GLRX5: variants seen among roughly 807,000 people sequenced by gnomAD.
GLRX5 encodes glutaredoxin-related protein 5, mitochondrial.
A neutral mutation model predicts 13.8 loss-of-function variants in GLRX5; 10 were observed. The ratio of observed to expected loss-of-function variants is 0.72; its 90% CI spans 0.45 to 1.23. The LOEUF (loss-of-function observed/expected upper bound fraction) is 1.23, where lower values mean the gene tolerates loss of function less well. Among genes scored for constraint, GLRX5 ranks in the 50% most tolerant of loss-of-function variants. The pLI, the probability that GLRX5 is intolerant of heterozygous loss-of-function variation, is 0.00. For synonymous variants in GLRX5, 98 were observed against 101.1 expected (o/e 0.97, Z 0.18); for missense variants, 233 against 215.2 (o/e 1.08, Z -0.52).
intron 1 of GLRX5, among the ~76,000 whole-genome samples, chr14:95,536,389 G>C (rs143849034): frequency 1.3e-3 from 204 of 152,322 alleles, no homozygotes; most frequent in Non-Finnish European, 2.2e-3. Context: ...ATCCCAGTTA[G>C]AGACTTTCAG....
intron 1 of GLRX5, among the ~76,000 whole-genome samples, chr14:95,535,643 G>A (rs992052457): frequency 6.6e-6 from 1 of 152,226 alleles, no homozygotes; most frequent in African/African-American, 2.4e-5. Flanking sequence ...AGTCCTAAAG[G>A]TTCACTTATC....
At chr14:95,543,522 C>T (rs1891507503) in intron 1 of GLRX5, 4 of 313,266 alleles carry the variant, frequency 1.3e-5, no homozygotes, top group Admixed American at 4.6e-5. Context: ...AGTTTTGTTT[C>T]GCTTGAAGCT....
chr14:95,543,016 CTGCGCTGTCACA>C (rs1228610280), intron 1 of GLRX5: 1 of 455,976 alleles, frequency 2.2e-6, no homozygotes, highest in African/African-American at 2.0e-5. Flanking sequence ...AGTTGCACAG[CTGCGCTGTCACA>C]GAGTGTCCCT....
chr14:95,543,620 C>G, intron 1 of GLRX5: 1 of 354,236 alleles, frequency 2.8e-6, no homozygotes, highest in Non-Finnish European at 5.3e-6. Flanking sequence ...CTAAGGTCCG[C>G]AATGTATCAG....
At chr14:95,541,727 A>G (rs182940623) in intron 1 of GLRX5, among the ~76,000 whole-genome samples, 27 of 152,338 alleles carry the variant, frequency 1.8e-4, no homozygotes, top group Middle Eastern at 3.4e-3. Flanking sequence ...GGCAAGCCCA[A>G]TGCTTCGATT....
chr14:95,535,121 C>T lies in GLRX5; in HGVS notation c.32C>T (p.Ala11Val), dbSNP rs1390109139. ...GGGTCCCTCGGCCGAGCTGCGGCGGCTCTGCTCCGCTGGGGGCGCGGCGCG... is the reference window on the plus strand; with the variant it reads ...GGGTCCCTCGGCCGAGCTGCGGCGGTTCTGCTCCGCTGGGGGCGCGGCGCG... MSGSLGRAAA[A>V]LLRWGRGAGG... The change falls in exon 1 of 2, where the codon GCT becomes GTT. Residue 11 changes from alanine to valine, a missense_variant. Ala to Val is a moderately conservative substitution (Grantham distance 64). Coordinates refer to ENST00000331334, the MANE Select transcript of GLRX5 (RefSeq NM_016417.3). 3.9e-6 allele frequency: 5 copies of T among 1,271,838 alleles called. No homozygotes were observed. The highest frequency in any genetic ancestry group is 3.1e-4 in the Middle Eastern group (1 of 3,178). The allele number at this position is 1,271,838 out of a possible 1,614,324, so 78.8% of individuals were successfully genotyped here.
intron 1 of GLRX5, among the ~76,000 whole-genome samples, chr14:95,541,956 G>A (rs1026892126): frequency 3.9e-5 from 6 of 152,096 alleles, no homozygotes; most frequent in South Asian, 2.1e-4. Flanking sequence ...AAAACAGGTC[G>A]TTCATGCACA....
intron 1 of GLRX5, chr14:95,543,166 A>G (rs1239531107): frequency 4.4e-6 from 2 of 455,990 alleles, no homozygotes; most frequent in African/African-American, 2.0e-5. Flanking sequence ...AGCCCTGGAC[A>G]GGGACCTTGC....
chr14:95,537,413 C>T (rs1210838299), intron 1 of GLRX5, among the ~76,000 whole-genome samples: 1 of 152,152 alleles, frequency 6.6e-6, no homozygotes, highest in Non-Finnish European at 1.5e-5. Context: ...GGTTAATAAA[C>T]GCGTTGCATA....
chr14:95,538,312 T>A (rs958356017), intron 1 of GLRX5, among the ~76,000 whole-genome samples: 2 of 152,220 alleles, frequency 1.3e-5, no homozygotes, highest in Non-Finnish European at 2.9e-5. Flanking sequence ...TTATAAACAT[T>A]TGCTGCCGAT....
Position 95,535,197 on chromosome 14 carries a change from GGGCGGC to G in GLRX5, c.115_120del (p.Gly39_Gly40del). On this transcript the variant is annotated inframe_deletion, in exon 1 of 2. Coordinates refer to ENST00000331334, the MANE Select transcript of GLRX5 (RefSeq NM_016417.3). ...GCGTGCGGGCGGCGGGCTCGGGCGC[GGGCGGC>G]GGCGGCTCGGCGGAGCAGTTGGACG... is the stretch of plus-strand genomic sequence containing the variant. 6.6e-7 allele frequency: 1 copy of G among 1,503,790 alleles called. No individual in the cohort carries two copies. Among genetic ancestry groups the G allele is most frequent in the Non-Finnish European group, 8.9e-7 (1 of 1,125,514 alleles). The allele number at this position is 1,503,790 out of a possible 1,614,324, so 93.2% of individuals were successfully genotyped here. A position where few individuals can be genotyped will look rare whatever the true frequency, so the allele number is the denominator to read the frequency against.
intron 1 of GLRX5, among the ~76,000 whole-genome samples, chr14:95,541,744 GATA>G (rs1467137080): frequency 1.3e-5 from 2 of 152,192 alleles, no homozygotes; most frequent in African/African-American, 4.8e-5. Context: ...GATTGAGTGT[GATA>G]CTATAAAAGT....
In GLRX5 at chr14:95,543,923, CAAAT is replaced by C; in HGVS notation, c.296-19_296-16del. ...GGTTCAGCTTTTACCATTTAAATAA[CAAAT>C]AAATGTTCTTTCTCCATAGGCATTA... On this transcript the variant is annotated intron_variant, in intron 1 of 1. Transcript: ENST00000331334. 1 of 1,597,726 alleles carries C rather than the reference CAAAT, an allele frequency of 6.3e-7. No homozygotes were observed. Among genetic ancestry groups the C allele is most frequent in the Non-Finnish European group, 8.6e-7 (1 of 1,165,086 alleles).
intron 1 of GLRX5, among the ~76,000 whole-genome samples, chr14:95,540,532 C>T (rs1268895443): frequency 1.3e-5 from 2 of 152,228 alleles, no homozygotes; most frequent in African/African-American, 4.8e-5. Context: ...GTGCCTTGCC[C>T]ACTCTGCCCC....
chr14:95,543,798 C>G (rs1891512622), intron 1 of GLRX5, 149 bp from the exon 2 acceptor site: 1 of 702,166 alleles, frequency 1.4e-6, no homozygotes, highest in Non-Finnish European at 2.6e-6. Flanking sequence ...AACTCATGCT[C>G]TTAGTGGCAA....
intron 1 of GLRX5, among the ~76,000 whole-genome samples, chr14:95,536,246 C>T (rs1891376779): frequency 6.6e-6 from 1 of 152,198 alleles, no homozygotes; most frequent in Non-Finnish European, 1.5e-5. Context: ...CGTGCATTCG[C>T]CAGTCTTATC....
chr14:95,541,092 C>T (rs1891466702), intron 1 of GLRX5, among the ~76,000 whole-genome samples: 1 of 152,234 alleles, frequency 6.6e-6, no homozygotes, highest in South Asian at 2.1e-4. Flanking sequence ...CCGTCTATCA[C>T]ATATGAAATA....
Position 95,544,403 on chromosome 14 carries a change from C to A in GLRX5, c.*278C>A. 2 of 422,478 alleles carry A rather than the reference C, an allele frequency of 4.7e-6. No homozygotes were observed. The highest frequency in any genetic ancestry group is 3.0e-5 in the South Asian group (1 of 33,366). 26.2% of individuals were successfully genotyped at this position (422,478 alleles called of 1,614,324 possible). On this transcript the variant is annotated 3_prime_UTR_variant, in exon 2 of 2. Coordinates refer to ENST00000331334, the MANE Select transcript of GLRX5 (RefSeq NM_016417.3). ...TTCTTATATTGTCACTTATTCTTTG[C>A]CTGATTCAGAAGTTAAATAGGAGCT...
Position 95,540,208 on chromosome 14 carries a change from A to G in GLRX5, c.296-3739A>G, listed in dbSNP as rs1394601534. ...ACCTGGCCTGAATGGCGTTTTCATT[A>G]CTTTAGGGTATACTTAATCACTTTT... is the stretch of plus-strand genomic sequence containing the variant. On this transcript the variant is annotated intron_variant, in intron 1 of 1. Coordinates refer to ENST00000331334, the MANE Select transcript of GLRX5 (RefSeq NM_016417.3). 2.0e-5 allele frequency among the ~76,000 whole-genome samples: 3 copies of G among 152,144 alleles called. No individual in the cohort carries two copies. The East Asian group carries it at 5.8e-4, about 29-fold the overall frequency.
Sources: gnomAD v4.1 joint callset for allele counts (sites outside exome capture counted in the v4.1 genomes callset) on GRCh38, gnomAD v4.1.1 for gene constraint, MANE v1.5 for transcripts, NCBI Gene and HGNC (gene_info 2026-07-23, HGNC 2026-07-21) for gene names.